The following ST8SIA2 variants were observed in gnomAD, a reference collection of about 807,000 sequenced individuals.
ST8SIA2 encodes ST8 alpha-N-acetyl-neuraminide alpha-2,8-sialyltransferase 2.
Under a neutral mutation model 37.6 loss-of-function variants are expected in ST8SIA2, and 22 were observed. The observed-to-expected ratio is 0.58, with a 90% CI of 0.42 to 0.83. The LOEUF (loss-of-function observed/expected upper bound fraction) is 0.83, where lower values mean the gene tolerates loss of function less well. Ranked by LOEUF, ST8SIA2 falls within the 40% of genes least tolerant of loss-of-function variation. ST8SIA2 has a pLI of 0.00. For synonymous variants in ST8SIA2, 205 were observed against 201.2 expected, an observed-to-expected ratio of 1.02 and a Z score of -0.16; for missense variants, 382 against 484.7, an observed-to-expected ratio of 0.79 and a Z score of 1.99.
At chr15:92,408,008 A>T (rs1413759521) in intron 1 of ST8SIA2, among the ~76,000 whole-genome samples, 1 of 152,204 alleles carries the variant, frequency 6.6e-6, no homozygotes, top group Non-Finnish European at 1.5e-5. Flanking sequence ...GATAGTCATT[A>T]TCTGCCCTGG....
At chr15:92,425,678 C>T (rs564638910) in intron 1 of ST8SIA2, among the ~76,000 whole-genome samples, 2 of 152,100 alleles carry the variant, frequency 1.3e-5, no homozygotes, top group Non-Finnish European at 2.9e-5. Flanking sequence ...GTGGTTTGCA[C>T]AGGAAAGAAT....
chr15:92,415,843 G>A (rs187836979), intron 1 of ST8SIA2, among the ~76,000 whole-genome samples: 2 of 152,218 alleles, frequency 1.3e-5, no homozygotes, highest in East Asian at 1.9e-4. Flanking sequence ...TCCAGAGAGA[G>A]GGCACGATAT....
chr15:92,437,552 C>T (rs990223353), intron 3 of ST8SIA2, among the ~76,000 whole-genome samples: 7 of 152,194 alleles, frequency 4.6e-5, no homozygotes, highest in South Asian at 2.1e-4. Flanking sequence ...TGGGAGGGGT[C>T]CATGTTTACA....
At chr15:92,398,320 A>G (rs925576013) in intron 1 of ST8SIA2, among the ~76,000 whole-genome samples, 2 of 152,232 alleles carry the variant, frequency 1.3e-5, no homozygotes, top group East Asian at 3.8e-4. Flanking sequence ...AGGCTTGCAC[A>G]GGTCTCCTCT....
intron 2 of ST8SIA2, among the ~76,000 whole-genome samples, chr15:92,433,209 G>C (rs947041856): frequency 6.6e-6 from 1 of 152,082 alleles, no homozygotes; most frequent in Non-Finnish European, 1.5e-5. Context: ...TTTTAACTTG[G>C]CTGTTTCAAG....
intron 1 of ST8SIA2, among the ~76,000 whole-genome samples, chr15:92,414,582 C>T (rs116876452): frequency 2.6e-5 from 4 of 152,320 alleles, no homozygotes; most frequent in South Asian, 4.1e-4. Context: ...AGAAAAATGC[C>T]GAACTCATAG....
chr15:92,457,064 G>A (rs976150302), intron 5 of ST8SIA2, among the ~76,000 whole-genome samples: 4 of 152,234 alleles, frequency 2.6e-5, no homozygotes, highest in Admixed American at 2.0e-4. Context: ...AGAAAGGACA[G>A]CCGTGGGCTG....
chr15:92,445,429 G>A (rs1455778), intron 5 of ST8SIA2, among the ~76,000 whole-genome samples: 1 of 151,852 alleles, frequency 6.6e-6, no homozygotes, highest in South Asian at 2.1e-4. Context: ...CGTGAAATGC[G>A]TAGTAAAATT....
chr15:92,398,442 G>A (rs1416716423), intron 1 of ST8SIA2, among the ~76,000 whole-genome samples: 1 of 152,232 alleles, frequency 6.6e-6, no homozygotes, highest in Non-Finnish European at 1.5e-5. Context: ...TAGCAATTAT[G>A]ACAACGGTGA....
At chr15:92,403,831 G>A (rs758598481) in intron 1 of ST8SIA2, among the ~76,000 whole-genome samples, 4 of 152,174 alleles carry the variant, frequency 2.6e-5, no homozygotes, top group Non-Finnish European at 5.9e-5. Flanking sequence ...TGCCCAAATT[G>A]TATGCTAATC....
chr15:92,395,833 A>G (rs1307586145), intron 1 of ST8SIA2, among the ~76,000 whole-genome samples: 1 of 152,140 alleles, frequency 6.6e-6, no homozygotes, highest in Non-Finnish European at 1.5e-5. Flanking sequence ...GGCGCTGCCC[A>G]TTGTCCTGTT....
intron 1 of ST8SIA2, among the ~76,000 whole-genome samples, chr15:92,399,094 T>C (rs1195678628): frequency 6.6e-6 from 1 of 152,150 alleles, no homozygotes; most frequent in Non-Finnish European, 1.5e-5. Context: ...CTGCCATAGG[T>C]ATGAGCATTC....
At position 92,464,397 on chromosome 15, in the gene ST8SIA2, C is replaced by T; in HGVS notation, c.*12C>T. Reference sequence around the variant, plus strand: ...ATGGGGCCACGTAGGGTGGGCACCCCATGGGACTCAGTGGCTCACATTTCC... The same window carrying T: ...ATGGGGCCACGTAGGGTGGGCACCCTATGGGACTCAGTGGCTCACATTTCC... On this transcript the variant is annotated 3_prime_UTR_variant, in exon 6 of 6. Transcript: ENST00000268164. The T allele has an allele frequency of 6.2e-7, 1 of 1,613,012 alleles. No individual in the cohort carries two copies.
chr15:92,434,102 C>T lies in ST8SIA2; in HGVS notation c.162-145C>T, dbSNP rs1293306948. On this transcript the variant is annotated intron_variant, in intron 2 of 5. Transcript: ENST00000268164. Reference sequence around the variant, plus strand: ...TCTGCATTACTGGAAGATAAATAGACTTCCTTCTCTTCTCAGGTAATAACT... The same window carrying T: ...TCTGCATTACTGGAAGATAAATAGATTTCCTTCTCTTCTCAGGTAATAACT... 6.4e-6 allele frequency: 7 copies of T among 1,097,722 alleles called. No homozygotes were observed. In the South Asian group the frequency reaches 6.6e-5, roughly 10 times the overall value. The allele number at this position is 1,097,722 out of a possible 1,614,324, so 68.0% of individuals were successfully genotyped here. A position where few individuals can be genotyped will look rare whatever the true frequency, so the allele number is the denominator to read the frequency against.
At chr15:92,403,204 G>T (rs1279657275) in intron 1 of ST8SIA2, among the ~76,000 whole-genome samples, 1 of 152,136 alleles carries the variant, frequency 6.6e-6, no homozygotes. Context: ...GAGGTCTCGG[G>T]ACTTGCTAAG....
intron 5 of ST8SIA2, among the ~76,000 whole-genome samples, chr15:92,446,136 C>T (rs1270155545): frequency 6.6e-6 from 1 of 152,140 alleles, no homozygotes; most frequent in Non-Finnish European, 1.5e-5. Flanking sequence ...CTGGATGGTT[C>T]TTAGGTCAGG....
intron 2 of ST8SIA2, among the ~76,000 whole-genome samples, chr15:92,432,087 C>A (rs1474595509): frequency 1.3e-5 from 2 of 152,172 alleles, no homozygotes; most frequent in African/African-American, 4.8e-5. Flanking sequence ...CTAGTGCCAT[C>A]CAGTGTGCCC....
chr15:92,445,003 C>A, intron 5 of ST8SIA2, 74 bp downstream of exon 5: 1 of 1,589,876 alleles, frequency 6.3e-7, no homozygotes, highest in South Asian at 1.1e-5. Context: ...TATCCCTTTC[C>A]CAGGTGCATT....
chr15:92,426,895 A>T (rs930139029), intron 1 of ST8SIA2, among the ~76,000 whole-genome samples: 4 of 152,244 alleles, frequency 2.6e-5, no homozygotes, highest in Admixed American at 6.5e-5. Flanking sequence ...TCAGGAGTTG[A>T]TCAACCTGGC....
Sources: gnomAD v4.1 joint callset for allele counts (sites outside exome capture counted in the v4.1 genomes callset) on GRCh38, gnomAD v4.1.1 for gene constraint, MANE v1.5 for transcripts, NCBI Gene and HGNC (gene_info 2026-07-23, HGNC 2026-07-21) for gene names.